The following EIPR1 variants were observed in gnomAD, a reference collection of about 807,000 sequenced individuals.
EIPR1 encodes the protein EARP and GARP complex-interacting protein 1.
Under a neutral mutation model 48.1 loss-of-function variants are expected in EIPR1, and 25 were observed. The observed-to-expected ratio is 0.52, with a 90% CI of 0.38 to 0.73. The LOEUF is 0.73. Among genes scored for constraint, EIPR1 ranks in the 30% least tolerant of loss-of-function variants. The pLI, the probability that EIPR1 is intolerant of heterozygous loss-of-function variation, is 0.00. For missense variants in EIPR1, 415 were observed against 506.2 expected (o/e 0.82, Z 1.73); for synonymous variants, 204 against 201.9 (o/e 1.01, Z -0.09).
chr2:3,288,811 A>G (rs1668283567), intron 3 of EIPR1, among the ~76,000 whole-genome samples: 1 of 152,208 alleles, frequency 6.6e-6, no homozygotes, highest in Non-Finnish European at 1.5e-5. Context: ...GCCATGATAC[A>G]GTGGGAGTGG....
In EIPR1 at chr2:3,353,828, A is replaced by G. The variant is rs1363709975; in HGVS notation, c.126+722T>C. Among the ~76,000 whole-genome samples the G allele has an allele frequency of 2.0e-5, 3 of 152,270 alleles. No homozygotes were observed. In the East Asian group the frequency reaches 5.8e-4, roughly 29 times the overall value. On this transcript the variant is annotated intron_variant, in intron 2 of 8. Coordinates refer to ENST00000382125, the MANE Select transcript of EIPR1 (RefSeq NM_003310.5). ...CAGGCCTGCGTATTCTTCGACAGCTATTTGAATGCCATTTCCCCTGTGTGA... is the reference window on the plus strand; with the variant it reads ...CAGGCCTGCGTATTCTTCGACAGCTGTTTGAATGCCATTTCCCCTGTGTGA...
At chr2:3,373,766 G>A (rs1416183944) in intron 1 of EIPR1, among the ~76,000 whole-genome samples, 2 of 151,812 alleles carry the variant, frequency 1.3e-5, no homozygotes, top group East Asian at 3.9e-4. Flanking sequence ...ATGCTCATGG[G>A]TAGGAAGAAT....
At chr2:3,275,952 G>T (rs1667834850) in intron 3 of EIPR1, among the ~76,000 whole-genome samples, 1 of 152,172 alleles carries the variant, frequency 6.6e-6, no homozygotes, top group Non-Finnish European at 1.5e-5. Flanking sequence ...AACAAAAAGA[G>T]AACTCAAGGC....
At chr2:3,300,262 A>G (rs1345046338) in intron 3 of EIPR1, among the ~76,000 whole-genome samples, 1 of 152,236 alleles carries the variant, frequency 6.6e-6, no homozygotes, top group East Asian at 1.9e-4. Flanking sequence ...TATTTGGTCC[A>G]TTAAAACGAC....
intron 4 of EIPR1, among the ~76,000 whole-genome samples, chr2:3,253,852 C>A (rs1326978553): frequency 1.3e-5 from 2 of 152,148 alleles, no homozygotes; most frequent in Non-Finnish European, 2.9e-5. Context: ...TCCAGACAGG[C>A]AAAAGCTGAA....
intron 3 of EIPR1, among the ~76,000 whole-genome samples, chr2:3,276,432 T>G (rs916312156): frequency 2.6e-5 from 4 of 152,262 alleles, no homozygotes; most frequent in African/African-American, 4.8e-5. Flanking sequence ...ATGTAAGAGA[T>G]AAACTACAGC....
At chr2:3,280,409 C>T (rs1310828703) in intron 3 of EIPR1, among the ~76,000 whole-genome samples, 1 of 152,196 alleles carries the variant, frequency 6.6e-6, no homozygotes, top group Non-Finnish European at 1.5e-5. Flanking sequence ...AGGCTTCACA[C>T]GAGCCACACC....
intron 3 of EIPR1, among the ~76,000 whole-genome samples, chr2:3,321,989 A>G (rs903374423): frequency 6.6e-6 from 1 of 152,188 alleles, no homozygotes; most frequent in Non-Finnish European, 1.5e-5. Flanking sequence ...CCAAAAGCCA[A>G]TTCTCGACAG....
intron 4 of EIPR1, among the ~76,000 whole-genome samples, chr2:3,246,269 C>A (rs932122532): frequency 1.3e-5 from 2 of 152,158 alleles, no homozygotes; most frequent in Admixed American, 1.3e-4. Context: ...CAGTTCACTC[C>A]TCTTTGTAAC....
intron 1 of EIPR1, 129 bp from the exon 2 acceptor site, chr2:3,354,762 G>C (rs1281354325): frequency 1.0e-6 from 1 of 993,646 alleles, no homozygotes; most frequent in African/African-American, 1.6e-5. Context: ...AGAGTGTCTG[G>C]AAAGCAATTT....
rs1222733313 is a variant in EIPR1 at position 3,338,475 on chromosome 2, C to T, written c.127-326G>A. Among the ~76,000 whole-genome samples the T allele has an allele frequency of 2.0e-5, 3 of 152,170 alleles. No individual in the cohort carries two copies. In the South Asian group the frequency reaches 6.2e-4, roughly 31 times the overall value. On this transcript the variant is annotated intron_variant, in intron 2 of 8. Transcript: ENST00000382125. Reference sequence around the variant, plus strand: ...TTAGACCGAGCCACTGTTGGTGTCACGGCCAGAGCTGCCCAGGGCTGTCCA... The same window carrying T: ...TTAGACCGAGCCACTGTTGGTGTCATGGCCAGAGCTGCCCAGGGCTGTCCA...
intron 1 of EIPR1, among the ~76,000 whole-genome samples, chr2:3,357,413 G>C (rs1670755777): frequency 6.6e-6 from 1 of 152,198 alleles, no homozygotes. Flanking sequence ...TATGGCCTGA[G>C]AAGGACTCCC....
At chr2:3,222,940 G>A (rs951729706) in intron 4 of EIPR1, among the ~76,000 whole-genome samples, 2 of 152,134 alleles carry the variant, frequency 1.3e-5, no homozygotes, top group African/African-American at 2.4e-5. Flanking sequence ...ACCAATCACG[G>A]TTTTGTGTGT....
chr2:3,348,209 G>C (rs185173211), intron 2 of EIPR1, among the ~76,000 whole-genome samples: 1 of 152,176 alleles, frequency 6.6e-6, no homozygotes, highest in African/African-American at 2.4e-5. Context: ...GGGAGGAAAC[G>C]AGCTGCTCTG....
intron 3 of EIPR1, among the ~76,000 whole-genome samples, chr2:3,316,297 C>T (rs55798522): frequency 6.6e-6 from 1 of 150,986 alleles, no homozygotes; most frequent in South Asian, 2.1e-4. Context: ...CCTCTACCCT[C>T]ATGCTTTTAT....
chr2:3,350,368 C>T (rs527300911), intron 2 of EIPR1, among the ~76,000 whole-genome samples: 3 of 152,176 alleles, frequency 2.0e-5, no homozygotes, highest in Non-Finnish European at 2.9e-5. Context: ...CTCACTGTCA[C>T]GAGAACATCA....
chr2:3,358,065 A>T (rs916049190), intron 1 of EIPR1, among the ~76,000 whole-genome samples: 28 of 152,166 alleles, frequency 1.8e-4, no homozygotes, highest in African/African-American at 6.5e-4. Context: ...AGCTCACTAA[A>T]TGCCCCCATT....
At position 3,290,068 on chromosome 2, in the gene EIPR1, A is replaced by G. The variant is rs114764793; in HGVS notation, c.260-32613T>C. 6.3e-3 allele frequency among the ~76,000 whole-genome samples: 958 copies of G among 152,304 alleles called. 6 individuals are homozygous for G. The highest frequency in any genetic ancestry group is 0.022 in the African/African-American group (896 of 41,564). On this transcript the variant is annotated intron_variant, in intron 3 of 8. Coordinates refer to ENST00000382125, the MANE Select transcript of EIPR1 (RefSeq NM_003310.5). ...GTTTCTCCTTTATCCCATTGCACAA[A>G]TTACACATTTTCTTTTGTACTTAGC...
chr2:3,355,926 C>T (rs1318662021), intron 1 of EIPR1, among the ~76,000 whole-genome samples: 3 of 152,188 alleles, frequency 2.0e-5, no homozygotes, highest in Admixed American at 6.5e-5. Flanking sequence ...AACAGAAAAA[C>T]GGCTACCGAG....
Sources: gnomAD v4.1 joint callset for allele counts (sites outside exome capture counted in the v4.1 genomes callset) on GRCh38, gnomAD v4.1.1 for gene constraint, MANE v1.5 for transcripts, NCBI Gene and HGNC (gene_info 2026-07-23, HGNC 2026-07-21) for gene names.